Variants in TIMP2 observed in about 807,000 individuals in gnomAD.
TIMP2 encodes TIMP metallopeptidase inhibitor 2.
A neutral mutation model predicts 24.3 loss-of-function variants in TIMP2; 5 were observed. The observed-to-expected ratio is 0.21, with a 90% CI of 0.11 to 0.43. The LOEUF (loss-of-function observed/expected upper bound fraction) is 0.43. Ranked by LOEUF, TIMP2 falls within the 20% of genes least tolerant of loss-of-function variation. The pLI, the probability that TIMP2 is intolerant of heterozygous loss-of-function variation, is 1.00. For missense variants in TIMP2, 221 were observed against 297.5 expected, an observed-to-expected ratio of 0.74 and a Z score of 1.89; for synonymous variants, 130 against 123.2, an observed-to-expected ratio of 1.06 and a Z score of -0.37.
At chr17:78,912,845 T>C (rs1455970693) in intron 1 of TIMP2, among the ~76,000 whole-genome samples, 4 of 152,220 alleles carry the variant, frequency 2.6e-5, no homozygotes, top group African/African-American at 4.8e-5. Context: ...TCAACTCTGT[T>C]GTTATAGCAC....
intron 2 of TIMP2, among the ~76,000 whole-genome samples, chr17:78,871,428 T>C (rs1418909603): frequency 7.6e-6 from 1 of 130,750 alleles, no homozygotes; most frequent in African/African-American, 3.0e-5. Flanking sequence ...CTCCTACCTG[T>C]ATGACAGAGT....
rs372617182 is a variant in TIMP2 at position 78,914,714 on chromosome 17, T to G, written c.130+10245A>C. On this transcript the variant is annotated intron_variant, in intron 1 of 4. Transcript: ENST00000262768. ...CTTCAGCCTCCCGAGTAGGTGGGACTACAGGCACGTGCCACCACCCCTGGC... is the reference window on the plus strand; with the variant it reads ...CTTCAGCCTCCCGAGTAGGTGGGACGACAGGCACGTGCCACCACCCCTGGC... Among the ~76,000 whole-genome samples the G allele has an allele frequency of 1.7e-3, 263 of 152,196 alleles. 1 individual carries two copies. The highest frequency in any genetic ancestry group is 5.8e-3 in the African/African-American group (243 of 41,540).
chr17:78,872,835 T>G (rs972225509), intron 2 of TIMP2, among the ~76,000 whole-genome samples: 1 of 152,116 alleles, frequency 6.6e-6, no homozygotes, highest in Non-Finnish European at 1.5e-5. Context: ...ACTTTTTTTT[T>G]TTTCTTTTTT....
intron 3 of TIMP2, among the ~76,000 whole-genome samples, chr17:78,864,518 C>T (rs549125624): frequency 1.1e-4 from 16 of 152,182 alleles, no homozygotes; most frequent in African/African-American, 3.9e-4. Context: ...GCTAGGATTA[C>T]AGGTGTGAGC....
chr17:78,879,654 G>A (rs72849591), intron 1 of TIMP2, among the ~76,000 whole-genome samples: 14,200 of 152,106 alleles, frequency 0.093, 952 homozygotes, highest in East Asian at 0.28. Flanking sequence ...CAGAAACCAC[G>A]GCCTCTCCCT....
At chr17:78,871,366 C>T (rs1329069903) in intron 2 of TIMP2, among the ~76,000 whole-genome samples, 2 of 145,370 alleles carry the variant, frequency 1.4e-5, no homozygotes, top group African/African-American at 2.5e-5. Flanking sequence ...GCAGGAGAAT[C>T]GCTTGAACCT....
At chr17:78,907,327 C>T (rs1190223134) in intron 1 of TIMP2, among the ~76,000 whole-genome samples, 1 of 152,198 alleles carries the variant, frequency 6.6e-6, no homozygotes, top group African/African-American at 2.4e-5. Context: ...TGAGTCCCCA[C>T]GCCCAGTCCC....
Position 78,891,771 on chromosome 17 carries a change from T to C in TIMP2, c.131-17852A>G. 3.2e-6 allele frequency: 5 copies of C among 1,551,160 alleles called. No individual in the cohort carries two copies. The highest frequency in any genetic ancestry group is 4.4e-6 in the Non-Finnish European group (5 of 1,147,126). ...GACCTTTCTAGGTCCGCCCCTTTGC[T>C]CCTCCGAGGATGGATGGCACAGCGG... is the stretch of plus-strand genomic sequence containing the variant. On this transcript the variant is annotated intron_variant, in intron 1 of 4. Coordinates refer to ENST00000262768, the MANE Select transcript of TIMP2 (RefSeq NM_003255.5). The surrounding 1 kb of genome is among the most constrained non-coding windows in gnomAD (Gnocchi z 4.5).
At chr17:78,883,034 C>A (rs72851216) in intron 1 of TIMP2, among the ~76,000 whole-genome samples, 2 of 152,136 alleles carry the variant, frequency 1.3e-5, no homozygotes, top group African/African-American at 4.8e-5. Context: ...AAAAGAGGGC[C>A]GTGACTTGGT....
intron 2 of TIMP2, among the ~76,000 whole-genome samples, chr17:78,873,294 C>T (rs940001181): frequency 1.2e-4 from 15 of 127,526 alleles, no homozygotes; most frequent in Admixed American, 2.7e-4. Context: ...CCTGCCCTCC[C>T]TGCCACATAT....
chr17:78,870,868 C>T, intron 3 of TIMP2, 30 bp downstream of exon 3: 1 of 1,595,214 alleles, frequency 6.3e-7, no homozygotes, highest in Non-Finnish European at 8.6e-7. Flanking sequence ...TCTGTGCCAG[C>T]CTCCGGCTGA....
chr17:78,875,927 T>C (rs2069724033), intron 1 of TIMP2, among the ~76,000 whole-genome samples: 1 of 152,134 alleles, frequency 6.6e-6, no homozygotes, highest in South Asian at 2.1e-4. Flanking sequence ...CACAAACCCC[T>C]TTCTTCTTTC....
At chr17:78,873,775 G>T in intron 2 of TIMP2, 44 bp downstream of exon 2, 1 of 1,547,766 alleles carries the variant, frequency 6.5e-7, no homozygotes, top group Non-Finnish European at 8.9e-7. Flanking sequence ...ACACCCCACA[G>T]CTGTGCCCAC....
At chr17:78,893,794 A>G (rs2069956386) in intron 1 of TIMP2, among the ~76,000 whole-genome samples, 1 of 152,070 alleles carries the variant, frequency 6.6e-6, no homozygotes, top group South Asian at 2.1e-4. Context: ...GGACTCTTCC[A>G]GGTCTCTTTG....
chr17:78,899,352 C>T (rs960653175), intron 1 of TIMP2: 1 of 152,398 alleles, frequency 6.6e-6, no homozygotes, highest in African/African-American at 2.4e-5. Flanking sequence ...AACTGAGAGA[C>T]CTGGGTTACA....
At chr17:78,857,472 T>A (rs767129878) in intron 4 of TIMP2, 50 bp downstream of exon 4, 6 of 1,612,214 alleles carry the variant, frequency 3.7e-6, no homozygotes, top group Non-Finnish European at 5.1e-6. Context: ...GCCGTCCATC[T>A]GGAGACACTG....
chr17:78,865,065 A>G (rs1431535788), intron 3 of TIMP2, among the ~76,000 whole-genome samples: 1 of 152,098 alleles, frequency 6.6e-6, no homozygotes, highest in Non-Finnish European at 1.5e-5. Context: ...TAAATAAAAT[A>G]AAATAAAATC....
intron 3 of TIMP2, among the ~76,000 whole-genome samples, chr17:78,867,528 C>T (rs2069627515): frequency 6.6e-6 from 1 of 152,070 alleles, no homozygotes; most frequent in Admixed American, 6.6e-5. Flanking sequence ...AGGACACCAC[C>T]TTCTTCCAGC....
intron 1 of TIMP2, among the ~76,000 whole-genome samples, chr17:78,875,004 G>T (rs1034429587): frequency 1.3e-5 from 2 of 152,184 alleles, no homozygotes; most frequent in African/African-American, 4.8e-5. Flanking sequence ...GCCTCCCAAA[G>T]TGCTGGGATT....
Sources: allele counts gnomAD v4.1 joint callset (sites outside exome capture counted in the v4.1 genomes callset), GRCh38; gene constraint gnomAD v4.1.1; non-coding constraint Gnocchi (gnomAD v3.1); transcripts MANE v1.5; gene names NCBI Gene and HGNC (gene_info 2026-07-23, HGNC 2026-07-21).